ADGRV1: variants seen among roughly 807,000 people sequenced by gnomAD.
The protein encoded by ADGRV1 is adhesion G protein-coupled receptor V1, also known as G-protein coupled receptor 98.
A neutral mutation model predicts 596.2 loss-of-function variants in ADGRV1; 359 were observed. The ratio of observed to expected loss-of-function variants is 0.60; its 90% CI spans 0.55 to 0.66. ADGRV1 has a LOEUF of 0.66. ADGRV1 is among the 30% of genes least tolerant of loss of function. The pLI, the probability that ADGRV1 is intolerant of heterozygous loss-of-function variation, is 0.00. For synonymous variants in ADGRV1, 2,681 were observed against 2,679.2 expected (o/e 1.00, Z -0.02); for missense variants, 7,274 against 7,575.6 (o/e 0.96, Z 1.48).
intron 85 of ADGRV1, among the ~76,000 whole-genome samples, chr5:91,024,297 G>A (rs149627497): frequency 1.7e-4 from 26 of 152,278 alleles, no homozygotes; most frequent in African/African-American, 5.5e-4. Context: ...GGGAAGAAAG[G>A]AAGCATGTTA....
At chr5:90,729,530 GATT>G (rs1398847081) in intron 49 of ADGRV1, 109 bp from the exon 50 acceptor site, 1 of 829,130 alleles carries the variant, frequency 1.2e-6, no homozygotes, top group Non-Finnish European at 1.9e-6. Flanking sequence ...GGACTAAATG[GATT>G]CTGAGGAAAT....
intron 86 of ADGRV1, among the ~76,000 whole-genome samples, chr5:91,088,427 TA>T (rs1790076302): frequency 6.6e-6 from 1 of 151,936 alleles, no homozygotes; most frequent in Admixed American, 6.6e-5. Flanking sequence ...CTCCACCCGG[TA>T]AAAAAATAAG....
intron 44 of ADGRV1, among the ~76,000 whole-genome samples, 180 bp downstream of exon 44, chr5:90,720,403 A>G (rs1750761523): frequency 6.6e-6 from 1 of 152,148 alleles, no homozygotes; most frequent in Admixed American, 6.5e-5. Context: ...AGTATCAAAA[A>G]CCTAAACTCA....
At chr5:90,692,064 T>C (rs1254242320) in intron 31 of ADGRV1, among the ~76,000 whole-genome samples, 3 of 152,210 alleles carry the variant, frequency 2.0e-5, no homozygotes, top group Non-Finnish European at 4.4e-5. Context: ...TTATTTTGAA[T>C]GCTAATTGTG....
At chr5:90,933,363 A>T (rs1002148722) in intron 83 of ADGRV1, among the ~76,000 whole-genome samples, 3 of 152,212 alleles carry the variant, frequency 2.0e-5, no homozygotes, top group African/African-American at 7.2e-5. Flanking sequence ...ATCTGAGAAG[A>T]TACTATTTGA....
In ADGRV1 at chr5:90,840,471, C is replaced by T. The variant is rs997984599; in HGVS notation, c.16612-107C>T. 11 of 882,882 alleles carry T rather than the reference C, an allele frequency of 1.2e-5. No individual in the cohort carries two copies. The East Asian group carries it at 2.8e-4, about 23-fold the overall frequency. The allele number at this position is 882,882 out of a possible 1,614,324, so 54.7% of individuals were successfully genotyped here. ...AGGTAGTACTGTCATCATCATTGCC[C>T]TTCAGTTTGTTTAAGAGAAATTGAA... On this transcript the variant is annotated intron_variant, in intron 77 of 89. Transcript: ENST00000405460.
At chr5:90,580,674 T>G (rs2151974090) in intron 1 of ADGRV1, among the ~76,000 whole-genome samples, 1 of 152,328 alleles carries the variant, frequency 6.6e-6, no homozygotes, top group African/African-American at 2.4e-5. Context: ...GACTTCCCTT[T>G]GTGGGTAACC....
intron 83 of ADGRV1, among the ~76,000 whole-genome samples, chr5:90,883,564 C>A (rs1213188302): frequency 6.6e-6 from 1 of 152,084 alleles, no homozygotes; most frequent in Admixed American, 6.6e-5. Flanking sequence ...TGGAGTGATA[C>A]TGGTACAATG....
Position 91,163,909 on chromosome 5 carries a change from TA to T in ADGRV1, c.*11del. The T allele has an allele frequency of 1.6e-6, 2 of 1,283,170 alleles. No homozygotes were observed. The highest frequency in any genetic ancestry group is 2.3e-6 in the Non-Finnish European group (2 of 884,064). 79.5% of individuals were successfully genotyped at this position (1,283,170 alleles called of 1,614,324 possible). A position where few individuals can be genotyped will look rare whatever the true frequency, so the allele number is the denominator to read the frequency against. The stretch of plus-strand genomic sequence containing the variant: ...CCGACACTCACCTGTAGCACCTCAC[TA>T]ACCATTCGACTGAGCACACTTTCAT... On this transcript the variant is annotated 3_prime_UTR_variant, in exon 90 of 90. Coordinates refer to ENST00000405460, the MANE Select transcript of ADGRV1 (RefSeq NM_032119.4).
chr5:91,132,801 G>A (rs553141560), intron 87 of ADGRV1, among the ~76,000 whole-genome samples: 39 of 152,306 alleles, frequency 2.6e-4, no homozygotes, highest in African/African-American at 8.9e-4. Flanking sequence ...GAATGACTGA[G>A]TTAATGAATG....
intron 87 of ADGRV1, among the ~76,000 whole-genome samples, chr5:91,122,366 G>A (rs541158541): frequency 6.6e-6 from 1 of 152,248 alleles, no homozygotes; most frequent in East Asian, 1.9e-4. Flanking sequence ...GGTAACAAGG[G>A]ACTTACTCCT....
intron 87 of ADGRV1, among the ~76,000 whole-genome samples, chr5:91,137,864 A>G (rs1794771723): frequency 6.6e-6 from 1 of 152,246 alleles, no homozygotes; most frequent in African/African-American, 2.4e-5. Context: ...GTATTTACTC[A>G]GTGAATGAAC....
At chr5:91,039,266 C>T (rs1785148305) in intron 85 of ADGRV1, among the ~76,000 whole-genome samples, 2 of 152,194 alleles carry the variant, frequency 1.3e-5, no homozygotes, top group Non-Finnish European at 2.9e-5. Flanking sequence ...GATGTTTTCA[C>T]GCTGTTGTCC....
chr5:90,697,722 C>T (rs2149660239), intron 34 of ADGRV1, among the ~76,000 whole-genome samples: 1 of 152,050 alleles, frequency 6.6e-6, no homozygotes, highest in African/African-American at 2.4e-5. Flanking sequence ...TATTTTACAT[C>T]ATATGTAGGG....
intron 76 of ADGRV1, among the ~76,000 whole-genome samples, chr5:90,824,338 C>G (rs1489820249): frequency 6.6e-6 from 1 of 152,098 alleles, no homozygotes; most frequent in Non-Finnish European, 1.5e-5. Flanking sequence ...TGTAAGACAG[C>G]CAATTAACTA....
At position 90,853,347 on chromosome 5, in the gene ADGRV1, G is replaced by A. The variant is rs1312628945; in HGVS notation, c.17268G>A (p.Gln5756=). The change falls in exon 80 of 90, where the codon CAG becomes CAA. Residue 5756 remains glutamine, a synonymous_variant. Transcript: ENST00000405460. ...TATTGGCTCTTCACTGGTATCCTCA[G>A]CAAATCAATGGACACAAGTTTGAAG... is the stretch of plus-strand genomic sequence containing the variant. ...LSILALHWYP[Q]QINGHKFEGK... 2 of 1,613,272 alleles carry A rather than the reference G, an allele frequency of 1.2e-6. No homozygotes were observed. Among genetic ancestry groups the A allele is most frequent in the Non-Finnish European group, 1.7e-6 (2 of 1,179,520 alleles).
chr5:90,667,895 G>C (rs1378559399), intron 21 of ADGRV1, among the ~76,000 whole-genome samples: 1 of 152,004 alleles, frequency 6.6e-6, no homozygotes, highest in African/African-American at 2.4e-5. Context: ...TGCCCCTGTT[G>C]GGGGGTGCCT....
intron 47 of ADGRV1, 146 bp downstream of exon 47, chr5:90,725,378 C>G: frequency 1.4e-6 from 1 of 699,676 alleles, no homozygotes; most frequent in Non-Finnish European, 2.3e-6. Context: ...AGCAAAGTAT[C>G]TTAATCCGGG....
At chr5:90,612,540 C>T (rs1762839290) in intron 1 of ADGRV1, among the ~76,000 whole-genome samples, 1 of 151,960 alleles carries the variant, frequency 6.6e-6, no homozygotes, top group South Asian at 2.1e-4. Flanking sequence ...TGTTGACTAA[C>T]CCATCTCTGC....
Sources: allele counts gnomAD v4.1 joint callset (sites outside exome capture counted in the v4.1 genomes callset), GRCh38; gene constraint gnomAD v4.1.1; transcripts MANE v1.5; gene names NCBI Gene and HGNC (gene_info 2026-07-23, HGNC 2026-07-21).